The following SHTN1 variants were observed in gnomAD, a reference collection of about 807,000 sequenced individuals.
The protein encoded by SHTN1 is shootin 1.
SHTN1 carries 42 observed loss-of-function variants against 83.1 expected under a neutral mutation model. The ratio of observed to expected loss-of-function variants is 0.51; its 90% confidence interval spans 0.39 to 0.65. The LOEUF (loss-of-function observed/expected upper bound fraction) is 0.65, where lower values mean the gene tolerates loss of function less well. Among genes scored for constraint, SHTN1 ranks in the 30% least tolerant of loss-of-function variants. The pLI, the probability that SHTN1 is intolerant of heterozygous loss-of-function variation, is 0.00. For missense variants in SHTN1, 622 were observed against 737.8 expected, an observed-to-expected ratio of 0.84 and a Z score of 1.82; for synonymous variants, 224 against 247.7, an observed-to-expected ratio of 0.90 and a Z score of 0.90.
chr10:117,071,263 A>T (rs1853077620), intron 1 of SHTN1, among the ~76,000 whole-genome samples: 1 of 152,130 alleles, frequency 6.6e-6, no homozygotes, highest in African/African-American at 2.4e-5. Context: ...TAATTTTATT[A>T]TATTTGAAAG....
At chr10:116,891,222 C>G (rs550882928) in intron 16 of SHTN1, among the ~76,000 whole-genome samples, 2 of 152,206 alleles carry the variant, frequency 1.3e-5, no homozygotes, top group African/African-American at 2.4e-5. Flanking sequence ...AAAATGCTAC[C>G]TCTGAAAAGC....
chr10:117,038,269 T>C (rs894792144), intron 2 of SHTN1, among the ~76,000 whole-genome samples: 8 of 150,948 alleles, frequency 5.3e-5, no homozygotes, highest in African/African-American at 1.9e-4. Context: ...GCCTCCCAAG[T>C]AGCTGGGACT....
chr10:116,909,119 G>C (rs1848090233), intron 14 of SHTN1, among the ~76,000 whole-genome samples: 1 of 152,104 alleles, frequency 6.6e-6, no homozygotes, highest in Non-Finnish European at 1.5e-5. Context: ...TTATAGAAAA[G>C]AGAATTCAAA....
intron 2 of SHTN1, among the ~76,000 whole-genome samples, chr10:117,013,763 G>A (rs1229264342): frequency 6.6e-6 from 1 of 152,056 alleles, no homozygotes; most frequent in African/African-American, 2.4e-5. Context: ...CCACTCCCGG[G>A]GCTTACCCAA....
intron 11 of SHTN1, among the ~76,000 whole-genome samples, chr10:116,926,667 C>G (rs1402035344): frequency 1.3e-5 from 2 of 151,108 alleles, no homozygotes; most frequent in Non-Finnish European, 2.9e-5. Flanking sequence ...TAAATGGCCT[C>G]TCTGTGTGAA....
intron 2 of SHTN1, among the ~76,000 whole-genome samples, chr10:117,032,451 G>A (rs761524248): frequency 5.9e-5 from 9 of 151,962 alleles, no homozygotes; most frequent in Admixed American, 3.3e-4. Context: ...TGATCTGCCC[G>A]CCTCAGCCTC....
intron 2 of SHTN1, among the ~76,000 whole-genome samples, chr10:117,029,454 G>A (rs577939555): frequency 3.9e-5 from 6 of 152,162 alleles, no homozygotes; most frequent in African/African-American, 1.4e-4. Context: ...AAGTACATGA[G>A]ATTTGGGAAG....
intron 9 of SHTN1, among the ~76,000 whole-genome samples, chr10:116,935,596 T>A (rs1003704582): frequency 6.6e-6 from 1 of 152,244 alleles, no homozygotes; most frequent in African/African-American, 2.4e-5. Context: ...TTCACATTGA[T>A]GTTCATCAGG....
intron 1 of SHTN1, among the ~76,000 whole-genome samples, chr10:117,048,753 T>C (rs1852702272): frequency 6.6e-6 from 1 of 152,236 alleles, no homozygotes; most frequent in African/African-American, 2.4e-5. Context: ...CATTCTTTAC[T>C]GTAAACCTAA....
At chr10:116,946,827 C>T (rs916010919) in intron 7 of SHTN1, among the ~76,000 whole-genome samples, 1 of 151,594 alleles carries the variant, frequency 6.6e-6, no homozygotes, top group Non-Finnish European at 1.5e-5. Context: ...AAGTGATTCT[C>T]CTGCCTCAGC....
chr10:117,092,224 T>C (rs975311329), intron 1 of SHTN1, among the ~76,000 whole-genome samples: 1 of 152,210 alleles, frequency 6.6e-6, no homozygotes, highest in African/African-American at 2.4e-5. Context: ...TTTGAAGCCA[T>C]GGGCTTAAAT....
At chr10:117,123,679 T>C (rs1437176325) in intron 1 of SHTN1, among the ~76,000 whole-genome samples, 6 of 123,702 alleles carry the variant, frequency 4.9e-5, no homozygotes, top group Non-Finnish European at 1.0e-4. Context: ...CCAAGGTGGG[T>C]GGATTGCTTG....
intron 2 of SHTN1, among the ~76,000 whole-genome samples, chr10:117,028,091 C>A (rs533212729): frequency 1.6e-3 from 245 of 152,266 alleles, no homozygotes; most frequent in African/African-American, 5.7e-3. Flanking sequence ...GGAACTGGAG[C>A]AAAGGTCATT....
Position 116,929,913 on chromosome 10 carries a change from A to C in SHTN1, c.948T>G (p.Asp316Glu). Residue 316 changes from aspartate (D) to glutamate (E), a missense_variant, in exon 10 of 17, where the codon GAT becomes GAG. Asp to Glu is a conservative substitution (Grantham distance 45, BLOSUM62 2). This residue lies in a region of SHTN1 where 383 missense variants were observed against 455.8 expected (regional missense o/e 0.84). Transcript: ENST00000355371. ...LKQQLELLEE[D>E]KKELELKYQN... ...GATATTTCAATTCCAATTCCTTTTT[A>C]TCTTCCTCTAGAAGCTCCAGTTGCT... 6.2e-7 allele frequency: 1 copy of C among 1,609,108 alleles called. No homozygotes were observed. The highest frequency in any genetic ancestry group is 8.5e-7 in the Non-Finnish European group (1 of 1,177,326).
intron 10 of SHTN1, among the ~76,000 whole-genome samples, chr10:116,928,327 T>C (rs942422249): frequency 1.5e-4 from 23 of 152,204 alleles, no homozygotes; most frequent in Admixed American, 1.3e-3. Flanking sequence ...CTCCCCTGCT[T>C]AATTTCCTTC....
Position 117,005,011 on chromosome 10 carries a change from G to A in SHTN1, c.58+11C>T, listed in dbSNP as rs754594928. ...GCGGCTGCCCACACCTGGCGCCCGC[G>A]TGCTGCCTACCTTGCTCCTTCAGAC... On this transcript the variant is annotated intron_variant, in intron 1 of 16. Transcript: ENST00000355371. 1 of 1,588,874 alleles carries A rather than the reference G, an allele frequency of 6.3e-7. No homozygotes were observed. Among genetic ancestry groups the A allele is most frequent in the South Asian group, 1.1e-5 (1 of 87,100 alleles).
rs573284811 is a variant in SHTN1, at chr10:116,956,830, A to G, written c.268-2620T>C. 3.3e-5 allele frequency among the ~76,000 whole-genome samples: 5 copies of G among 152,286 alleles called. No homozygotes were observed. In the East Asian group the frequency reaches 9.6e-4, roughly 29 times the overall value. ...GTCACCAGCTCAAGAAAAAAAAGCC[A>G]ATCAGAAAATTTCATAATCCTTCTC... On this transcript the variant is annotated intron_variant, in intron 4 of 16. Transcript: ENST00000355371.
intron 2 of SHTN1, among the ~76,000 whole-genome samples, chr10:117,015,434 C>T (rs990304293): frequency 2.6e-5 from 4 of 152,264 alleles, no homozygotes; most frequent in South Asian, 2.1e-4. Context: ...CAGGTTCAAG[C>T]GATTCTCCTG....
chr10:117,012,463 T>G (rs935605978), intron 2 of SHTN1, among the ~76,000 whole-genome samples: 1 of 152,128 alleles, frequency 6.6e-6, no homozygotes. Context: ...AGTGAATCAC[T>G]TTTTTTCTGC....
Sources: gnomAD v4.1 joint callset for allele counts (sites outside exome capture counted in the v4.1 genomes callset) on GRCh38, gnomAD v4.1.1 for gene constraint, gnomAD v4.1.1 regional missense constraint, MANE v1.5 for transcripts, NCBI Gene and HGNC (gene_info 2026-07-23, HGNC 2026-07-21) for gene names.